The following TIA1 variants were observed in gnomAD, a reference collection of about 807,000 sequenced individuals.
The protein encoded by TIA1 is TIA1 cytotoxic granule associated RNA binding protein, also known as cytotoxic granule associated RNA binding protein TIA1.
Under a neutral mutation model 65.9 loss-of-function variants are expected in TIA1, and 23 were observed. The observed-to-expected ratio is 0.35, with a 90% CI of 0.25 to 0.49. TIA1 has a LOEUF of 0.49. TIA1 is among the 20% of genes least tolerant of loss of function. The pLI, the probability that TIA1 is intolerant of heterozygous loss-of-function variation, is 0.98. For missense variants in TIA1, 371 were observed against 477.9 expected, an observed-to-expected ratio of 0.78 and a Z score of 2.09; for synonymous variants, 147 against 149.4, an observed-to-expected ratio of 0.98 and a Z score of 0.12.
At chr2:70,236,772 G>A (rs769407529) in intron 1 of TIA1, among the ~76,000 whole-genome samples, 54 of 152,214 alleles carry the variant, frequency 3.5e-4, no homozygotes, top group African/African-American at 6.0e-4. Flanking sequence ...GACCACAGGC[G>A]TGTGCCATCA....
chr2:70,234,230 G>A (rs1355937340), intron 2 of TIA1, among the ~76,000 whole-genome samples: 1 of 152,104 alleles, frequency 6.6e-6, no homozygotes, highest in Non-Finnish European at 1.5e-5. Context: ...CCTTCTTTAT[G>A]TTTCTATTGA....
chr2:70,216,013 A>G, intron 10 of TIA1, 195 bp downstream of exon 10: 4 of 545,366 alleles, frequency 7.3e-6, no homozygotes, highest in Non-Finnish European at 6.3e-6. Context: ...CGGCCTCCCA[A>G]AGTGCTGGGA....
chr2:70,215,254 G>T, intron 11 of TIA1, 117 bp downstream of exon 11: 3 of 1,290,220 alleles, frequency 2.3e-6, no homozygotes, highest in Non-Finnish European at 2.2e-6. Context: ...TGTAGGAAGA[G>T]CCCTTATATA....
At chr2:70,237,847 C>T (rs757520774) in intron 1 of TIA1, among the ~76,000 whole-genome samples, 21 of 150,690 alleles carry the variant, frequency 1.4e-4, no homozygotes, top group Non-Finnish European at 1.9e-4. Flanking sequence ...GCCTGGGTGA[C>T]GGAGCAAGAC....
At chr2:70,239,241 C>T (rs1474180935) in intron 1 of TIA1, among the ~76,000 whole-genome samples, 3 of 152,120 alleles carry the variant, frequency 2.0e-5, no homozygotes, top group East Asian at 3.9e-4. Context: ...TACAGGCACC[C>T]GCCACCACGC....
chr2:70,227,156 G>T (rs1684168334), intron 6 of TIA1, among the ~76,000 whole-genome samples: 1 of 152,110 alleles, frequency 6.6e-6, no homozygotes, highest in Non-Finnish European at 1.5e-5. Flanking sequence ...TATGATGAAT[G>T]CTATCTCAAG....
At position 70,212,675 on chromosome 2, in the gene TIA1, C is replaced by A; in HGVS notation, c.*44G>T. ...AAGTAAACAACGGCTTTACTACACTCCCTGTAGCCTCAAGCCACTGGCTTT... is the reference window on the plus strand; with the variant it reads ...AAGTAAACAACGGCTTTACTACACTACCTGTAGCCTCAAGCCACTGGCTTT... On this transcript the variant is annotated 3_prime_UTR_variant, in exon 13 of 13. Transcript: ENST00000433529. The A allele has an allele frequency of 8.3e-7, 1 of 1,210,826 alleles. No individual in the cohort carries two copies. Among genetic ancestry groups the A allele is most frequent in the South Asian group, 1.2e-5 (1 of 82,864 alleles). The allele number at this position is 1,210,826 out of a possible 1,614,324, so 75.0% of individuals were successfully genotyped here.
At chr2:70,242,096 A>G (rs1220408420) in intron 1 of TIA1, among the ~76,000 whole-genome samples, 1 of 152,202 alleles carries the variant, frequency 6.6e-6, no homozygotes, top group Non-Finnish European at 1.5e-5. Flanking sequence ...CCACGGTTAT[A>G]TAAGATGGTA....
chr2:70,211,093 G>T lies in TIA1; in HGVS notation c.*1626C>A, dbSNP rs1017807747. ...CTTTTCTGTTTCTAGGTAAAATGCA[G>T]GGAGCTCCCTGAAGGTCTTGAAAAC... is the stretch of plus-strand genomic sequence containing the variant. On this transcript the variant is annotated 3_prime_UTR_variant, in exon 13 of 13. Transcript: ENST00000433529. The T allele has an allele frequency of 1.3e-5, 2 of 152,100 alleles. No individual in the cohort carries two copies. The highest frequency in any genetic ancestry group is 2.9e-5 in the Non-Finnish European group (2 of 68,036). 9.4% of individuals were successfully genotyped at this position (152,100 alleles called of 1,614,324 possible). A position where few individuals can be genotyped will look rare whatever the true frequency, so the allele number is the denominator to read the frequency against.
intron 2 of TIA1, among the ~76,000 whole-genome samples, chr2:70,232,208 C>CAAAA (rs11427986): frequency 1.6e-5 from 1 of 63,910 alleles, no homozygotes; most frequent in Non-Finnish European, 2.9e-5. Context: ...GACTCTGTCT[C>CAAAA]AAAAAAAAAA....
intron 6 of TIA1, chr2:70,225,192 G>GAC (rs944916305): frequency 1.9e-6 from 2 of 1,053,860 alleles, no homozygotes; most frequent in African/African-American, 3.5e-5. Context: ...AAAAATACTA[G>GAC]ACACACACAA....
intron 7 of TIA1, among the ~76,000 whole-genome samples, chr2:70,217,320 T>TG (rs1184710249): frequency 2.0e-5 from 3 of 152,150 alleles, no homozygotes; most frequent in Non-Finnish European, 4.4e-5. Context: ...TACAGGCATC[T>TG]GCCACCATGC....
chr2:70,244,919 T>C (rs1180287025), intron 1 of TIA1, among the ~76,000 whole-genome samples: 1 of 151,746 alleles, frequency 6.6e-6, no homozygotes, highest in African/African-American at 2.4e-5. Context: ...CCAATACTAT[T>C]TGGAGAGTGG....
At chr2:70,243,306 A>G (rs982279328) in intron 1 of TIA1, among the ~76,000 whole-genome samples, 2 of 152,158 alleles carry the variant, frequency 1.3e-5, no homozygotes, top group Non-Finnish European at 2.9e-5. Flanking sequence ...ACATGCCTAT[A>G]GTCCCAGCTA....
intron 9 of TIA1, 24 bp from the exon 10 acceptor site, chr2:70,216,316 A>C: frequency 6.3e-7 from 1 of 1,580,488 alleles, no homozygotes; most frequent in Non-Finnish European, 8.6e-7. Context: ...AACCAAAACA[A>C]ACAAATCACA....
chr2:70,222,328 C>A (rs1681807569), intron 7 of TIA1, among the ~76,000 whole-genome samples: 1 of 152,134 alleles, frequency 6.6e-6, no homozygotes, highest in Non-Finnish European at 1.5e-5. Context: ...AGATGAGAAA[C>A]ACATGTTTGC....
At position 70,224,472 on chromosome 2, in the gene TIA1, GA is replaced by G. The variant is rs145295756; in HGVS notation, c.474+81del. On this transcript the variant is annotated intron_variant, in intron 7 of 12. Coordinates refer to ENST00000433529, the MANE Select transcript of TIA1 (RefSeq NM_022173.4). ...ATCATCAGTAAAATAAACAGCAGAC[GA>G]AAAAAAGATTAGTAATTAAAACGGA... 0.017 allele frequency: 26,541 copies of G among 1,577,940 alleles called. 2,356 individuals carry two copies. The African/African-American group carries it at 0.24, about 14-fold the overall frequency.
intron 6 of TIA1, chr2:70,225,499 C>A (rs1683405312): frequency 8.5e-7 from 1 of 1,172,988 alleles, no homozygotes; most frequent in Non-Finnish European, 1.1e-6. Context: ...GCTTCACAGG[C>A]AATCTGCTTT....
intron 3 of TIA1, among the ~76,000 whole-genome samples, chr2:70,229,960 TG>T (rs1685447876): frequency 7.0e-6 from 1 of 142,016 alleles, no homozygotes; most frequent in Non-Finnish European, 1.5e-5. Flanking sequence ...CAAAAAAACC[TG>T]GGGACGGTGG....
Sources: gnomAD v4.1 joint callset for allele counts (sites outside exome capture counted in the v4.1 genomes callset) on GRCh38, gnomAD v4.1.1 for gene constraint, MANE v1.5 for transcripts, NCBI Gene and HGNC (gene_info 2026-07-23, HGNC 2026-07-21) for gene names.